HDAC4: variants seen among roughly 807,000 people sequenced by gnomAD.
HDAC4 encodes the protein histone deacetylase 4.
HDAC4 carries 16 observed loss-of-function variants against 135.1 expected under a neutral mutation model. The observed-to-expected ratio is 0.12, with a 90% CI of 0.08 to 0.18. The LOEUF is 0.18. Among genes scored for constraint, HDAC4 ranks in the 10% least tolerant of loss-of-function variants. HDAC4 has a pLI of 1.00. For synonymous variants in HDAC4, 685 were observed against 653.4 expected (o/e 1.05, Z -0.74); for missense variants, 1,143 against 1,511.8 (o/e 0.76, Z 4.05).
chr2:239,371,135 G>A (rs904035036), intron 1 of HDAC4, among the ~76,000 whole-genome samples: 7 of 152,190 alleles, frequency 4.6e-5, no homozygotes, highest in African/African-American at 1.4e-4. Context: ...GGAACCCTGC[G>A]CCTCAGGCCA....
At chr2:239,209,004 G>C (rs2046219306) in intron 3 of HDAC4, among the ~76,000 whole-genome samples, 1 of 152,200 alleles carries the variant, frequency 6.6e-6, no homozygotes, top group South Asian at 2.1e-4. Flanking sequence ...AGCCCCTCAA[G>C]TAGCTGAGAC....
intron 2 of HDAC4, among the ~76,000 whole-genome samples, chr2:239,305,162 T>A (rs570906356): frequency 6.6e-6 from 1 of 152,294 alleles, no homozygotes; most frequent in African/African-American, 2.4e-5. Context: ...GCAGCTTGAG[T>A]AACACAAATA....
intron 24 of HDAC4, among the ~76,000 whole-genome samples, chr2:239,061,180 C>T (rs62189527): frequency 0.025 from 3,832 of 151,974 alleles, 54 homozygotes; most frequent in South Asian, 0.046. Context: ...TATGAATGTG[C>T]GTGACAGCAT....
intron 19 of HDAC4, among the ~76,000 whole-genome samples, chr2:239,086,388 CG>C (rs1003963290): frequency 4.7e-5 from 7 of 149,892 alleles, no homozygotes; most frequent in Admixed American, 1.3e-4. Flanking sequence ...CTCTAACACG[CG>C]GATCTGACTA....
chr2:239,179,994 G>C (rs2044040554), intron 4 of HDAC4, among the ~76,000 whole-genome samples: 1 of 152,276 alleles, frequency 6.6e-6, no homozygotes, highest in Non-Finnish European at 1.5e-5. Flanking sequence ...GAGCGTGCAA[G>C]GGCGCTGCCC....
At chr2:239,371,375 ATAC>A (rs1259268116) in intron 1 of HDAC4, among the ~76,000 whole-genome samples, 2 of 152,096 alleles carry the variant, frequency 1.3e-5, no homozygotes, top group African/African-American at 4.8e-5. Context: ...ATGCGCTCAT[ATAC>A]TAACACTTAT....
chr2:239,058,770 CCA>C (rs1365852218), intron 24 of HDAC4, among the ~76,000 whole-genome samples: 1 of 152,252 alleles, frequency 6.6e-6, no homozygotes, highest in Non-Finnish European at 1.5e-5. Context: ...GTGTGTCCCA[CCA>C]TCGTGGGAGA....
At chr2:239,273,714 C>A (rs555035676) in intron 2 of HDAC4, among the ~76,000 whole-genome samples, 251 of 152,328 alleles carry the variant, frequency 1.6e-3, no homozygotes, top group Non-Finnish European at 3.2e-3. Flanking sequence ...GCCACATGGA[C>A]ACAGGCAGTG....
At chr2:239,279,512 C>A (rs2050584440) in intron 2 of HDAC4, among the ~76,000 whole-genome samples, 1 of 152,390 alleles carries the variant, frequency 6.6e-6, no homozygotes, top group Non-Finnish European at 1.5e-5. Context: ...GAAGTCTGTC[C>A]TCTCTCCAAC....
chr2:239,200,028 G>A (rs74000504), intron 3 of HDAC4, among the ~76,000 whole-genome samples: 5,283 of 152,226 alleles, frequency 0.035, 286 homozygotes, highest in African/African-American at 0.12. Context: ...GTGAGCCACC[G>A]CGCCCAGCCC....
intron 16 of HDAC4, among the ~76,000 whole-genome samples, chr2:239,102,091 C>T (rs1443271555): frequency 9.7e-6 from 1 of 103,310 alleles, no homozygotes; most frequent in African/African-American, 3.3e-5. Flanking sequence ...TGGAAGCCCC[C>T]GGCCCGGGGT....
rs372114425 is a variant in HDAC4 at position 239,317,322 on chromosome 2, G to A, written c.22+35356C>T. Among the ~76,000 whole-genome samples the A allele has an allele frequency of 1.9e-4, 21 of 112,708 alleles. No individual in the cohort carries two copies. The East Asian group carries it at 4.7e-3, about 25-fold the overall frequency. The allele number at this position is 112,708 out of a possible 152,430, so 73.9% of individuals were successfully genotyped here. On this transcript the variant is annotated intron_variant, in intron 2 of 26. Coordinates refer to ENST00000543185, the MANE Select transcript of HDAC4 (RefSeq NM_001378414.1). ...ATGTGTGTGGGTGGGGCCGGCGTGTGTGGGTGCAGGGGCCGATCTACACAC... is the reference window on the plus strand; with the variant it reads ...ATGTGTGTGGGTGGGGCCGGCGTGTATGGGTGCAGGGGCCGATCTACACAC...
At chr2:239,129,016 A>G (rs1283285774) in intron 11 of HDAC4, among the ~76,000 whole-genome samples, 2 of 152,184 alleles carry the variant, frequency 1.3e-5, no homozygotes, top group Non-Finnish European at 2.9e-5. Flanking sequence ...CGGGGACACA[A>G]GCCTACGCCC....
chr2:239,154,034 T>G (rs1312243525), intron 7 of HDAC4, among the ~76,000 whole-genome samples: 1 of 152,142 alleles, frequency 6.6e-6, no homozygotes, highest in Non-Finnish European at 1.5e-5. Context: ...ACATTTGGGA[T>G]GGGGGAGGAG....
intron 14 of HDAC4, among the ~76,000 whole-genome samples, chr2:239,109,806 A>G (rs756777806): frequency 2.0e-5 from 3 of 152,204 alleles, no homozygotes; most frequent in Non-Finnish European, 4.4e-5. Flanking sequence ...GCTCACGGAT[A>G]CAAGGAATGG....
intron 4 of HDAC4, among the ~76,000 whole-genome samples, 171 bp from the exon 5 acceptor site, chr2:239,176,734 G>C (rs555895759): frequency 6.6e-6 from 1 of 152,306 alleles, no homozygotes; most frequent in East Asian, 1.9e-4. Flanking sequence ...AGAAGTCAGG[G>C]CCATTCCGGG....
At chr2:239,149,576 A>AC (rs2041980914) in intron 7 of HDAC4, among the ~76,000 whole-genome samples, 1 of 152,132 alleles carries the variant, frequency 6.6e-6, no homozygotes. Flanking sequence ...CACTGATGGA[A>AC]CCGCCTCACG....
chr2:239,390,378 C>CA (rs2126100674), intron 1 of HDAC4, among the ~76,000 whole-genome samples: 1 of 152,224 alleles, frequency 6.6e-6, no homozygotes, highest in Admixed American at 6.5e-5. Flanking sequence ...ACAAAATATA[C>CA]AAAAAATTAG....
chr2:239,232,114 G>A (rs542114962), intron 3 of HDAC4, among the ~76,000 whole-genome samples: 1 of 152,390 alleles, frequency 6.6e-6, no homozygotes, highest in East Asian at 1.9e-4. Flanking sequence ...GGCCTGGCTG[G>A]AAGCCAGCTC....
Sources: allele counts gnomAD v4.1 joint callset (sites outside exome capture counted in the v4.1 genomes callset), GRCh38; gene constraint gnomAD v4.1.1; transcripts MANE v1.5; gene names NCBI Gene and HGNC (gene_info 2026-07-23, HGNC 2026-07-21).